EXO1: variants seen among roughly 807,000 people sequenced by gnomAD.
EXO1 encodes exonuclease 1.
In EXO1, 69 loss-of-function variants were observed where a neutral mutation model predicts 84.5. The ratio of observed to expected loss-of-function variants is 0.82; its 90% CI spans 0.67 to 1.00. EXO1 has a LOEUF of 1.00. EXO1 is among the 50% of genes least tolerant of loss of function. The pLI is 0.00. For synonymous variants in EXO1, 373 were observed against 366.1 expected (o/e 1.02, Z -0.21); for missense variants, 1,045 against 1,000.7 (o/e 1.04, Z -0.60).
chr1:241,856,234 A>C (rs1413058510), intron 6 of EXO1, among the ~76,000 whole-genome samples: 1 of 151,288 alleles, frequency 6.6e-6, no homozygotes, highest in Non-Finnish European at 1.5e-5. Flanking sequence ...CAGGATCTTG[A>C]TACCTCTTTC....
chr1:241,860,772 T>G (rs1163377036), intron 9 of EXO1, 68 bp downstream of exon 9: 1 of 1,274,084 alleles, frequency 7.8e-7, no homozygotes, highest in Non-Finnish European at 1.1e-6. Flanking sequence ...GTGATTTTTT[T>G]GTGAGGCATT....
chr1:241,858,557 C>G lies in EXO1; in HGVS notation c.595C>G (p.Arg199Gly). The change falls in exon 8 of 16, where the codon CGG (arginine) becomes GGG (glycine). Residue 199 changes from arginine to glycine, a missense_variant. Coordinates refer to ENST00000366548, the MANE Select transcript of EXO1 (RefSeq NM_130398.4). ...FGNGLEIDQA[R>G]LGMCRQLGDV... Reference sequence around the variant, plus strand: ...AAATGGACTTGAAATTGATCAAGCTCGGCTAGGAATGTGCAGACAGCTTGG... The same window carrying G: ...AAATGGACTTGAAATTGATCAAGCTGGGCTAGGAATGTGCAGACAGCTTGG... 1 of 1,614,084 alleles carries G rather than the reference C, an allele frequency of 6.2e-7. No homozygotes were observed. Among genetic ancestry groups the G allele is most frequent in the Non-Finnish European group, 8.5e-7 (1 of 1,179,962 alleles).
intron 8 of EXO1, among the ~76,000 whole-genome samples, chr1:241,859,209 T>G (rs1204759791): frequency 6.6e-6 from 1 of 152,186 alleles, no homozygotes; most frequent in Non-Finnish European, 1.5e-5. Flanking sequence ...CATGTTAGCA[T>G]AAATAGCATG....
At chr1:241,876,069 A>G (rs1486333921) in intron 12 of EXO1, among the ~76,000 whole-genome samples, 2 of 152,126 alleles carry the variant, frequency 1.3e-5, no homozygotes, top group Non-Finnish European at 2.9e-5. Flanking sequence ...GGGCTCGCCT[A>G]TTTAGTCATT....
intron 13 of EXO1, among the ~76,000 whole-genome samples, chr1:241,880,674 A>G (rs1281570527): frequency 6.6e-6 from 1 of 152,268 alleles, no homozygotes; most frequent in Non-Finnish European, 1.5e-5. Context: ...GACAGTTGAC[A>G]TGAAAATCAT....
At chr1:241,870,001 G>A (rs569223195) in intron 11 of EXO1, among the ~76,000 whole-genome samples, 126 of 152,178 alleles carry the variant, frequency 8.3e-4, no homozygotes, top group African/African-American at 3.0e-3. Flanking sequence ...TAGTAGAGAC[G>A]GGGTTTCACC....
intron 10 of EXO1, among the ~76,000 whole-genome samples, chr1:241,861,800 G>A (rs540978517): frequency 7.9e-4 from 120 of 151,892 alleles, no homozygotes; most frequent in Non-Finnish European, 1.5e-3. Context: ...CACTCCGTTC[G>A]GCTTCTGTGG....
chr1:241,874,712 A>G (rs1662292197), intron 12 of EXO1, among the ~76,000 whole-genome samples: 1 of 152,216 alleles, frequency 6.6e-6, no homozygotes, highest in Non-Finnish European at 1.5e-5. Flanking sequence ...CTCTCCTTTT[A>G]AAAATTGGGA....
In EXO1 at chr1:241,889,691, T is replaced by G; in HGVS notation, c.*91T>G. ...ATGAGGCACTTATCAGCATGAAGAA[T>G]TTTTTCTCATTCTGTGCCATTTTAA... On this transcript the variant is annotated 3_prime_UTR_variant, in exon 16 of 16. Transcript: ENST00000366548. 1 of 1,245,754 alleles carries G rather than the reference T, an allele frequency of 8.0e-7. No individual in the cohort carries two copies. The highest frequency in any genetic ancestry group is 1.2e-5 in the South Asian group (1 of 83,286). The allele number at this position is 1,245,754 out of a possible 1,614,324, so 77.2% of individuals were successfully genotyped here.
chr1:241,878,220 C>T (rs1018723954), intron 12 of EXO1, among the ~76,000 whole-genome samples: 1 of 152,272 alleles, frequency 6.6e-6, no homozygotes, highest in African/African-American at 2.4e-5. Context: ...CTCTCTAGGC[C>T]GGGCGCTGTG....
intron 3 of EXO1, among the ~76,000 whole-genome samples, chr1:241,849,544 G>A (rs974816428): frequency 1.1e-4 from 16 of 152,336 alleles, no homozygotes; most frequent in African/African-American, 3.8e-4. Context: ...GCCCCTGGGC[G>A]CCACCACTGT....
chr1:241,865,109 G>A (rs964161634), intron 10 of EXO1, among the ~76,000 whole-genome samples: 2 of 151,098 alleles, frequency 1.3e-5, no homozygotes, highest in Admixed American at 1.3e-4. Context: ...GCCTGAAGCA[G>A]TCATTCTGCC....
intron 7 of EXO1, 41 bp downstream of exon 7, chr1:241,857,523 A>T: frequency 6.8e-7 from 1 of 1,464,694 alleles, no homozygotes; most frequent in Non-Finnish European, 9.3e-7. Flanking sequence ...TTCTATGTAG[A>T]TAGTAGTGTA....
chr1:241,888,100 C>T (rs1663166917), intron 15 of EXO1, among the ~76,000 whole-genome samples: 1 of 152,094 alleles, frequency 6.6e-6, no homozygotes, highest in Admixed American at 6.6e-5. Flanking sequence ...ATTAGCTGAG[C>T]GTGGTGGCAT....
intron 10 of EXO1, among the ~76,000 whole-genome samples, chr1:241,865,190 TATATA>T (rs1558131588): frequency 6.7e-6 from 1 of 149,438 alleles, no homozygotes; most frequent in Non-Finnish European, 1.5e-5. Flanking sequence ...TATATATATA[TATATA>T]TTTTTTGACT....
chr1:241,878,454 G>A (rs879326795), intron 12 of EXO1, among the ~76,000 whole-genome samples: 4 of 147,018 alleles, frequency 2.7e-5, no homozygotes, highest in South Asian at 2.1e-4. Flanking sequence ...CCAAGATCCC[G>A]CCACTGCACT....
At chr1:241,867,132 G>A (rs1028580312) in intron 11 of EXO1, 77 bp downstream of exon 11, 89 of 1,084,316 alleles carry the variant, frequency 8.2e-5, no homozygotes, top group African/African-American at 4.9e-4. Context: ...GCAAAGTCGC[G>A]AAGATTTTCT....
chr1:241,857,208 A>T, intron 6 of EXO1, 137 bp from the exon 7 acceptor site: 1 of 796,886 alleles, frequency 1.3e-6, no homozygotes, highest in Non-Finnish European at 2.1e-6. Context: ...GAAAAACTCT[A>T]CTTCAAAGGA....
chr1:241,858,334 G>T (rs778390615), intron 7 of EXO1, among the ~76,000 whole-genome samples, 172 bp from the exon 8 acceptor site: 2 of 152,158 alleles, frequency 1.3e-5, no homozygotes, highest in African/African-American at 2.4e-5. Context: ...CATATCCTAT[G>T]CTTCAGCATA....
Sources: allele counts gnomAD v4.1 joint callset (sites outside exome capture counted in the v4.1 genomes callset), GRCh38; gene constraint gnomAD v4.1.1; transcripts MANE v1.5; gene names NCBI Gene and HGNC (gene_info 2026-07-23, HGNC 2026-07-21).